Variants in SACS observed in about 807,000 individuals in gnomAD.
The protein encoded by SACS is sacsin.
SACS carries 197 observed loss-of-function variants against 348.0 expected under a neutral mutation model. That is an observed-to-expected ratio of 0.57 (90% CI 0.50 to 0.64). The LOEUF (loss-of-function observed/expected upper bound fraction) is 0.64, where lower values mean the gene tolerates loss of function less well. Among genes scored for constraint, SACS ranks in the 30% least tolerant of loss-of-function variants. The probability of loss-of-function intolerance (pLI) is 0.00; values close to 1 mark genes in which losing one functional copy is unlikely to be tolerated. For missense variants in SACS, 4,999 were observed against 5,360.8 expected, an observed-to-expected ratio of 0.93 and a Z score of 2.11; for synonymous variants, 1,985 against 1,910.6, an observed-to-expected ratio of 1.04 and a Z score of -1.02.
chr13:23,370,314 A>G (rs1180129471), intron 4 of SACS, among the ~76,000 whole-genome samples: 3 of 152,172 alleles, frequency 2.0e-5, no homozygotes, highest in Admixed American at 1.3e-4. Context: ...AGCACTGCAG[A>G]TATTTATTTT....
At chr13:23,417,237 A>G (rs9507091) in intron 1 of SACS, among the ~76,000 whole-genome samples, 84,694 of 152,042 alleles carry the variant, frequency 0.56, 23,944 homozygotes, top group East Asian at 0.78. Flanking sequence ...TGAACCAGAA[A>G]ATTAAATATC....
Position 23,335,024 on chromosome 13 carries a change from A to C in SACS, c.8852T>G (p.Val2951Gly). 2.5e-6 allele frequency: 4 copies of C among 1,613,676 alleles called. No individual in the cohort carries two copies. The highest frequency in any genetic ancestry group is 3.4e-6 in the Non-Finnish European group (4 of 1,179,710). ...AAACTTCTTTAAAGTGTCCTTTACA[A>C]CATGAATAGGGGTGTTCTGTAACAC... The part of the protein sequence containing the change: ...LSVLQNTPIH[V>G]VKDTLKKFLS... Residue 2951 changes from valine to glycine, a missense_variant, in exon 10 of 10, where the codon GTT becomes GGT. Physicochemically the swap from Val to Gly is moderately radical, Grantham distance 109. This residue lies in a region of SACS where 734 missense variants were observed against 694.0 expected (regional missense o/e 1.06). Transcript: ENST00000382292. This position sits in a 1 kb window ranked among gnomAD's most constrained non-coding sequence, Gnocchi z 4.7.
chr13:23,429,345 ATTTTTTTTTTTTTTT>A (rs536939164), intron 1 of SACS, among the ~76,000 whole-genome samples: 17 of 51,476 alleles, frequency 3.3e-4, no homozygotes, highest in South Asian at 3.2e-3. Flanking sequence ...TGAGGTAGGG[ATTTTTTTTTTTTTTT>A]TTTTTTTTTT....
chr13:23,353,719 G>A, intron 9 of SACS, 66 bp downstream of exon 9: 1 of 897,328 alleles, frequency 1.1e-6, no homozygotes, highest in Non-Finnish European at 1.7e-6. Context: ...ATGAATAACA[G>A]AAAACTTTTA....
At chr13:23,386,312 T>C (rs1872289941) in intron 2 of SACS, among the ~76,000 whole-genome samples, 1 of 152,264 alleles carries the variant, frequency 6.6e-6, no homozygotes. Context: ...AGCTACATCT[T>C]CTGGAGAACT....
rs141315518 is a variant in SACS at position 23,331,644 on chromosome 13, G to A, written c.12232C>T (p.Arg4078Ter). ...AGCAAGATGACTGCATTACCAAATC[G>A]CTTCAAAAAAGCAAAAGTTTCACTT... ...SRSETFAFLKRFGNAVILLYI... is the reference protein window; with the variant it reads ...SRSETFAFLK The change falls in exon 10 of 10, where the codon CGA becomes TGA. Residue 4078 changes from arginine (R) to a stop codon, truncating the protein, a stop_gained. Transcript: ENST00000382292. LOFTEE classifies it high-confidence loss of function. 6 of 1,613,718 alleles carry A rather than the reference G, an allele frequency of 3.7e-6. No homozygotes were observed. The highest frequency in any genetic ancestry group is 5.1e-6 in the Non-Finnish European group (6 of 1,179,914).
chr13:23,347,030 G>A (rs1255116173), intron 9 of SACS, among the ~76,000 whole-genome samples: 3 of 152,118 alleles, frequency 2.0e-5, no homozygotes, highest in Non-Finnish European at 2.9e-5. Flanking sequence ...CTATATTTCA[G>A]TGCAAACTAA....
intron 1 of SACS, among the ~76,000 whole-genome samples, chr13:23,429,588 C>G (rs1326647794): frequency 6.6e-6 from 1 of 151,734 alleles, no homozygotes; most frequent in Non-Finnish European, 1.5e-5. Context: ...TGGTCTCGAT[C>G]TCCTGACCTC....
chr13:23,423,948 G>C (rs926077928), intron 1 of SACS, among the ~76,000 whole-genome samples: 1 of 152,046 alleles, frequency 6.6e-6, no homozygotes, highest in Non-Finnish European at 1.5e-5. Context: ...GAATATACGA[G>C]TATCCATCCC....
At position 23,329,519 on chromosome 13, in the gene SACS, A is replaced by G. The variant is rs989267518; in HGVS notation, c.*617T>C. The stretch of plus-strand genomic sequence containing the variant: ...TAAGATGTTAAAAAAAAATTTAAAT[A>G]AAGATGTAAAGTGCACTCAGTGCAC... On this transcript the variant is annotated 3_prime_UTR_variant, in exon 10 of 10. Transcript: ENST00000382292. The G allele has an allele frequency of 1.4e-6, 1 of 713,680 alleles. No individual in the cohort carries two copies. The highest frequency in any genetic ancestry group is 2.6e-6 in the Non-Finnish European group (1 of 391,210). The allele number at this position is 713,680 out of a possible 1,614,324, so 44.2% of individuals were successfully genotyped here. A position where few individuals can be genotyped will look rare whatever the true frequency, so the allele number is the denominator to read the frequency against.
At chr13:23,397,354 T>C (rs980338281) in intron 2 of SACS, among the ~76,000 whole-genome samples, 4 of 152,134 alleles carry the variant, frequency 2.6e-5, no homozygotes, top group Admixed American at 6.5e-5. Context: ...TGAATAACTA[T>C]AAAAAGTTGT....
chr13:23,330,105 C>A lies in SACS; in HGVS notation c.*31G>T. 1 of 1,591,808 alleles carries A rather than the reference C, an allele frequency of 6.3e-7. No individual in the cohort carries two copies. Among genetic ancestry groups the A allele is most frequent in the South Asian group, 1.1e-5 (1 of 90,102 alleles). On this transcript the variant is annotated 3_prime_UTR_variant, in exon 10 of 10. Coordinates refer to ENST00000382292, the MANE Select transcript of SACS (RefSeq NM_014363.6). The stretch of plus-strand genomic sequence containing the variant: ...CAATTTATTCGTGCTACAACACATT[C>A]AAGATCTACCTTTTTTTTCGTTAAA...
At chr13:23,378,470 T>C (rs951285481) in intron 2 of SACS, among the ~76,000 whole-genome samples, 1 of 152,098 alleles carries the variant, frequency 6.6e-6, no homozygotes, top group African/African-American at 2.4e-5. Context: ...ACATCCTCTC[T>C]TGCAAATTTT....
At chr13:23,366,073 T>G (rs1017992963) in intron 5 of SACS, among the ~76,000 whole-genome samples, 2 of 152,180 alleles carry the variant, frequency 1.3e-5, no homozygotes, top group Non-Finnish European at 2.9e-5. Context: ...AATCAGCTCC[T>G]AGATCCAACC....
In SACS at chr13:23,339,202, A is replaced by G. The variant is rs781676575; in HGVS notation, c.4674T>C (p.Leu1558=). ...GEVDKVGKFG[L]GFNSVYHITD... is the part of the protein sequence containing the mutation. Reference sequence around the variant, plus strand: ...TGATATGGTACACAGAATTAAATCCAAGACCAAATTTTCCAACTTTGTCAA... The same window carrying G: ...TGATATGGTACACAGAATTAAATCCGAGACCAAATTTTCCAACTTTGTCAA... The change falls in exon 10 of 10, where the codon CTT becomes CTC. Residue 1558 remains leucine, a synonymous_variant. Transcript: ENST00000382292. 1.2e-6 allele frequency: 2 copies of G among 1,612,140 alleles called. No homozygotes were observed. The highest frequency in any genetic ancestry group is 1.7e-6 in the Non-Finnish European group (2 of 1,179,116).
chr13:23,379,919 G>C (rs1194209750), intron 2 of SACS, among the ~76,000 whole-genome samples: 1 of 151,986 alleles, frequency 6.6e-6, no homozygotes, highest in African/African-American at 2.4e-5. Flanking sequence ...CTTCCTGCTT[G>C]GTCTTATACC....
Position 23,332,667 on chromosome 13 carries a change from G to A in SACS, c.11209C>T (p.Leu3737Phe). 1.9e-6 allele frequency: 3 copies of A among 1,613,824 alleles called. No individual in the cohort carries two copies. The highest frequency in any genetic ancestry group is 2.5e-6 in the Non-Finnish European group (3 of 1,179,950). Residue 3737 changes from leucine to phenylalanine, a missense_variant, in exon 10 of 10, where the codon CTT (leucine) becomes TTT (phenylalanine). Transcript: ENST00000382292. ...AGAGGAGGATCCAGGTTAACATTAA[G>A]CATATTTAAAACTTGTTCAAGCTGT... ...QEQLEQVLNM[L>F]NVNLDPPLDK...
chr13:23,358,248 G>T, intron 7 of SACS, 87 bp downstream of exon 7: 1 of 1,413,476 alleles, frequency 7.1e-7, no homozygotes, highest in Non-Finnish European at 1.0e-6. Context: ...CTTTTAAACA[G>T]TATCACCTCT....
intron 1 of SACS, chr13:23,427,633 A>G (rs1485348640): frequency 1.3e-5 from 2 of 152,256 alleles, no homozygotes; most frequent in Admixed American, 6.5e-5. Context: ...AATCATAACT[A>G]TTGTATAAAT....
Sources: gnomAD v4.1 joint callset for allele counts (sites outside exome capture counted in the v4.1 genomes callset) on GRCh38, gnomAD v4.1.1 for gene constraint, gnomAD v4.1.1 regional missense constraint, Gnocchi (gnomAD v3.1) non-coding constraint, MANE v1.5 for transcripts, NCBI Gene and HGNC (gene_info 2026-07-23, HGNC 2026-07-21) for gene names.